The following DPYD variants were observed in gnomAD, a reference collection of about 807,000 sequenced individuals.
The protein encoded by DPYD is dihydropyrimidine dehydrogenase, also known as dihydropyrimidine dehydrogenase [NADP(+)].
A neutral mutation model predicts 116.2 loss-of-function variants in DPYD; 109 were observed. The observed-to-expected ratio is 0.94, with a 90% confidence interval of 0.80 to 1.10. DPYD has a LOEUF of 1.10. Among genes scored for constraint, DPYD ranks in the 50% least tolerant of loss-of-function variants. The pLI, the probability that DPYD is intolerant of heterozygous loss-of-function variation, is 0.00. For synonymous variants in DPYD, 440 were observed against 432.0 expected, an observed-to-expected ratio of 1.02 and a Z score of -0.23; for missense variants, 1,302 against 1,254.5, an observed-to-expected ratio of 1.04 and a Z score of -0.57.
intron 11 of DPYD, among the ~76,000 whole-genome samples, chr1:97,566,146 T>C (rs1433996918): frequency 6.6e-6 from 1 of 152,162 alleles, no homozygotes; most frequent in Non-Finnish European, 1.5e-5. Context: ...CCTGAATGCT[T>C]AGACTCTGTT....
chr1:97,666,049 T>C (rs1659540534), intron 8 of DPYD, among the ~76,000 whole-genome samples: 1 of 152,236 alleles, frequency 6.6e-6, no homozygotes, highest in Non-Finnish European at 1.5e-5. Context: ...TTTTCTTAAG[T>C]TATCAAAAAT....
intron 18 of DPYD, among the ~76,000 whole-genome samples, chr1:97,260,317 A>T (rs1663793067): frequency 6.6e-6 from 1 of 152,098 alleles, no homozygotes; most frequent in African/African-American, 2.4e-5. Context: ...CAGTTTCTAA[A>T]TATTTAGTTT....
chr1:97,424,723 C>A (rs1429998486), intron 14 of DPYD, among the ~76,000 whole-genome samples: 9 of 151,906 alleles, frequency 5.9e-5, no homozygotes, highest in African/African-American at 1.7e-4. Context: ...AGTATGAACC[C>A]TTTAAATATT....
At chr1:97,240,532 C>T (rs1662263330) in intron 18 of DPYD, among the ~76,000 whole-genome samples, 1 of 151,932 alleles carries the variant, frequency 6.6e-6, no homozygotes, top group African/African-American at 2.4e-5. Context: ...CTGATAATAG[C>T]TCTAGCTGGC....
At chr1:97,410,079 A>AAAG (rs147380522) in intron 14 of DPYD, among the ~76,000 whole-genome samples, 2 of 148,312 alleles carry the variant, frequency 1.3e-5, no homozygotes, top group South Asian at 2.3e-4. Flanking sequence ...AAAGAAAAAG[A>AAAG]AAGAAGAAGA....
At chr1:97,596,846 A>G (rs539293304) in intron 8 of DPYD, among the ~76,000 whole-genome samples, 3 of 152,318 alleles carry the variant, frequency 2.0e-5, no homozygotes, top group Non-Finnish European at 4.4e-5. Flanking sequence ...GCATTTGCTC[A>G]TAAATGATTT....
At chr1:97,478,165 G>C (rs548275890) in intron 13 of DPYD, among the ~76,000 whole-genome samples, 1 of 152,282 alleles carries the variant, frequency 6.6e-6, no homozygotes, top group African/African-American at 2.4e-5. Flanking sequence ...GGAGTCAGTA[G>C]GTCTCAACCT....
intron 18 of DPYD, among the ~76,000 whole-genome samples, chr1:97,255,914 G>A (rs760222889): frequency 3.9e-5 from 6 of 152,028 alleles, no homozygotes; most frequent in Non-Finnish European, 7.4e-5. Flanking sequence ...GAGAAGTCAA[G>A]TTCATCATTT....
chr1:97,842,790 G>T (rs1327455448), intron 2 of DPYD, among the ~76,000 whole-genome samples: 1 of 151,996 alleles, frequency 6.6e-6, no homozygotes, highest in African/African-American at 2.4e-5. Flanking sequence ...ATAAAGTTAT[G>T]AAGAGAAAAT....
chr1:97,612,934 C>T (rs1656040439), intron 8 of DPYD, among the ~76,000 whole-genome samples: 1 of 151,916 alleles, frequency 6.6e-6, no homozygotes, highest in African/African-American at 2.4e-5. Flanking sequence ...GAGTTTATAT[C>T]TAATTTTGAA....
intron 10 of DPYD, among the ~76,000 whole-genome samples, chr1:97,584,734 G>C (rs1653961972): frequency 6.8e-6 from 1 of 146,246 alleles, no homozygotes; most frequent in African/African-American, 2.5e-5. Flanking sequence ...TCATTCATAG[G>C]TGGGAATTGA....
intron 16 of DPYD, among the ~76,000 whole-genome samples, chr1:97,341,136 A>G (rs1308740442): frequency 6.6e-6 from 1 of 152,094 alleles, no homozygotes; most frequent in African/African-American, 2.4e-5. Context: ...TGCCATTCCT[A>G]TGGTTTGGCT....
chr1:97,472,418 A>T (rs1677715886), intron 13 of DPYD, among the ~76,000 whole-genome samples: 1 of 152,248 alleles, frequency 6.6e-6, no homozygotes. Flanking sequence ...ACAACCTGAG[A>T]AAGAGTCCAT....
chr1:97,537,731 A>G, intron 12 of DPYD, among the ~76,000 whole-genome samples: 1 of 152,222 alleles, frequency 6.6e-6, no homozygotes, highest in East Asian at 1.9e-4. Flanking sequence ...CTAAATGTTC[A>G]GTCATATGTC....
intron 10 of DPYD, among the ~76,000 whole-genome samples, chr1:97,577,579 G>A (rs182434848): frequency 2.0e-5 from 3 of 152,014 alleles, no homozygotes; most frequent in Admixed American, 2.0e-4. Context: ...CGTGTGTGTG[G>A]CCTCTGTGCA....
intron 20 of DPYD, among the ~76,000 whole-genome samples, chr1:97,099,972 ACAAGT>A (rs1211819434): frequency 3.9e-5 from 6 of 152,116 alleles, no homozygotes; most frequent in African/African-American, 7.2e-5. Context: ...AATTATGTCA[ACAAGT>A]CAAGTAAATG....
intron 18 of DPYD, among the ~76,000 whole-genome samples, chr1:97,264,226 G>GTGCAGAAC (rs1418677611): frequency 8.1e-6 from 1 of 123,926 alleles, no homozygotes; most frequent in African/African-American, 3.1e-5. Context: ...CCAGGCTGAA[G>GTGCAGAAC]TGCAGAACTC....
At chr1:97,121,546 C>G (rs1272477556) in intron 20 of DPYD, among the ~76,000 whole-genome samples, 1 of 152,106 alleles carries the variant, frequency 6.6e-6, no homozygotes, top group Non-Finnish European at 1.5e-5. Flanking sequence ...ATCATGAGGT[C>G]ACTTCTGGCC....
chr1:97,920,620 C>T (rs2101727186), intron 1 of DPYD, among the ~76,000 whole-genome samples: 1 of 152,298 alleles, frequency 6.6e-6, no homozygotes, highest in Middle Eastern at 3.4e-3. Context: ...AGACAGGCTT[C>T]CTGAAATCTC....
Sources: allele counts gnomAD v4.1 joint callset (sites outside exome capture counted in the v4.1 genomes callset), GRCh38; gene constraint gnomAD v4.1.1; transcripts MANE v1.5; gene names NCBI Gene and HGNC (gene_info 2026-07-23, HGNC 2026-07-21).